Variants in ARHGAP24 observed in about 807,000 individuals in gnomAD.
ARHGAP24 encodes rho GTPase-activating protein 24.
A neutral mutation model predicts 76.4 loss-of-function variants in ARHGAP24; 50 were observed. The observed-to-expected ratio is 0.65, with a 90% CI of 0.52 to 0.83. ARHGAP24 has a LOEUF of 0.83. Ranked by LOEUF, ARHGAP24 falls within the 40% of genes least tolerant of loss-of-function variation. ARHGAP24 has a pLI of 0.00. For missense variants in ARHGAP24, 930 were observed against 914.2 expected (o/e 1.02, Z -0.22); for synonymous variants, 345 against 323.3 (o/e 1.07, Z -0.72).
intron 3 of ARHGAP24, among the ~76,000 whole-genome samples, chr4:85,877,836 G>C (rs767115225): frequency 5.3e-5 from 8 of 151,950 alleles, no homozygotes; most frequent in Admixed American, 1.3e-4. Flanking sequence ...AAATCTTTGG[G>C]TCCATAATTG....
intron 3 of ARHGAP24, among the ~76,000 whole-genome samples, chr4:85,761,784 G>A (rs560977314): frequency 1.1e-4 from 16 of 152,300 alleles, no homozygotes; most frequent in African/African-American, 3.8e-4. Flanking sequence ...AGCAGCTGAG[G>A]TGATGTCTTT....
At chr4:85,751,102 A>T (rs1726245526) in intron 3 of ARHGAP24, among the ~76,000 whole-genome samples, 2 of 152,202 alleles carry the variant, frequency 1.3e-5, no homozygotes, top group Admixed American at 1.3e-4. Context: ...CACATTATTT[A>T]TGTGTTTATT....
At chr4:85,571,029 T>C (rs1727120103) in intron 2 of ARHGAP24, 1 of 246,324 alleles carries the variant, frequency 4.1e-6, no homozygotes, top group Non-Finnish European at 7.9e-6. Flanking sequence ...CTAAAAGATA[T>C]ATCATAGCCA....
At chr4:85,633,345 C>T (rs951830715) in intron 2 of ARHGAP24, among the ~76,000 whole-genome samples, 1 of 151,816 alleles carries the variant, frequency 6.6e-6, no homozygotes. Context: ...TAGAAAGTTA[C>T]CCAGTACAAA....
At chr4:85,792,039 T>C (rs1472725812) in intron 3 of ARHGAP24, among the ~76,000 whole-genome samples, 2 of 152,104 alleles carry the variant, frequency 1.3e-5, no homozygotes, top group African/African-American at 4.8e-5. Context: ...TGAAGATGTA[T>C]AGTAGAGAGC....
chr4:85,534,175 A>G (rs922511221), intron 1 of ARHGAP24, among the ~76,000 whole-genome samples: 5 of 152,200 alleles, frequency 3.3e-5, no homozygotes, highest in Non-Finnish European at 7.3e-5. Context: ...TTCCTCTATT[A>G]TCAGCTATAA....
intron 9 of ARHGAP24, among the ~76,000 whole-genome samples, chr4:85,997,580 T>C (rs1740754165): frequency 1.3e-5 from 2 of 152,122 alleles, no homozygotes; most frequent in African/African-American, 4.8e-5. Flanking sequence ...CAGTGAGATA[T>C]ATGGTTTTTA....
intron 2 of ARHGAP24, among the ~76,000 whole-genome samples, chr4:85,681,633 T>C (rs1007999697): frequency 1.3e-5 from 2 of 152,222 alleles, no homozygotes; most frequent in African/African-American, 2.4e-5. Flanking sequence ...AGCATTTATA[T>C]GCATGCAACT....
rs190305989 is a variant in ARHGAP24 at position 85,600,471 on chromosome 4, C to T, written c.180+29750C>T. ...CTAGTTATGAAAGCCATTGTGTTCT[C>T]CACGTGAGAAGAGGGAGATGGGGCA... On this transcript the variant is annotated intron_variant, in intron 2 of 9. Coordinates refer to ENST00000395184, the MANE Select transcript of ARHGAP24 (RefSeq NM_001025616.3). 2.6e-3 allele frequency among the ~76,000 whole-genome samples: 396 copies of T among 152,216 alleles called. 3 individuals are homozygous for T. The highest frequency in any genetic ancestry group is 0.01 in the Middle Eastern group (3 of 294).
intron 2 of ARHGAP24, among the ~76,000 whole-genome samples, chr4:85,694,016 C>A (rs981755639): frequency 6.6e-6 from 1 of 152,182 alleles, no homozygotes; most frequent in Non-Finnish European, 1.5e-5. Context: ...TCCCCAGGAG[C>A]CTTTCAGGGC....
intron 2 of ARHGAP24, among the ~76,000 whole-genome samples, chr4:85,593,089 C>T (rs751450018): frequency 6.6e-5 from 10 of 152,064 alleles, no homozygotes; most frequent in Non-Finnish European, 1.2e-4. Flanking sequence ...ATGAGGGTTC[C>T]TTTTTCTCCA....
At chr4:85,529,311 C>A (rs1162633044) in intron 1 of ARHGAP24, among the ~76,000 whole-genome samples, 1 of 151,940 alleles carries the variant, frequency 6.6e-6, no homozygotes, top group Non-Finnish European at 1.5e-5. Context: ...AATAAAGCAC[C>A]TGTTCTTTAT....
At chr4:85,976,465 A>G (rs1167718099) in intron 7 of ARHGAP24, among the ~76,000 whole-genome samples, 3 of 152,174 alleles carry the variant, frequency 2.0e-5, no homozygotes, top group Admixed American at 6.5e-5. Context: ...TACCTACCTC[A>G]GAGAGATGCT....
At chr4:85,981,436 A>C (rs1243502863) in intron 8 of ARHGAP24, among the ~76,000 whole-genome samples, 1 of 152,156 alleles carries the variant, frequency 6.6e-6, no homozygotes, top group African/African-American at 2.4e-5. Context: ...AGTATCTTTG[A>C]TACTATAGAA....
At chr4:85,583,339 C>G (rs1023776807) in intron 2 of ARHGAP24, among the ~76,000 whole-genome samples, 1 of 152,010 alleles carries the variant, frequency 6.6e-6, no homozygotes, top group Admixed American at 6.6e-5. Context: ...CTTATGTGTT[C>G]AGTACTCTAT....
At chr4:85,647,785 C>A (rs1303050186) in intron 2 of ARHGAP24, among the ~76,000 whole-genome samples, 3 of 151,980 alleles carry the variant, frequency 2.0e-5, no homozygotes, top group Non-Finnish European at 4.4e-5. Flanking sequence ...ATTATAAGAC[C>A]AGTCTTTTAA....
Position 85,475,164 on chromosome 4 carries a change from G to C in ARHGAP24, c.-416G>C, listed in dbSNP as rs1233098405. On this transcript the variant is annotated 5_prime_UTR_variant, in exon 1 of 10. Transcript: ENST00000395184. ...ACACAATCACCCTTTCTAACTTCTG[G>C]GACTCTTTGCGCAACTGCTAGGATT... 1 of 152,390 alleles carries C rather than the reference G, an allele frequency of 6.6e-6. No homozygotes were observed. The highest frequency in any genetic ancestry group is 1.5e-5 in the Non-Finnish European group (1 of 68,226). The allele number at this position is 152,390 out of a possible 1,614,324, so 9.4% of individuals were successfully genotyped here. A position where few individuals can be genotyped will look rare whatever the true frequency, so the allele number is the denominator to read the frequency against.
At chr4:85,544,336 C>A (rs1197198709) in intron 1 of ARHGAP24, among the ~76,000 whole-genome samples, 2 of 152,122 alleles carry the variant, frequency 1.3e-5, no homozygotes, top group African/African-American at 4.8e-5. Flanking sequence ...AAGCTTTAAT[C>A]TATTAAATAT....
At chr4:85,484,682 T>C (rs990219936) in intron 1 of ARHGAP24, among the ~76,000 whole-genome samples, 2 of 152,146 alleles carry the variant, frequency 1.3e-5, no homozygotes, top group African/African-American at 4.8e-5. Context: ...AGTGGTGCCA[T>C]CTCGGCTCAC....
Sources: gnomAD v4.1 joint callset for allele counts (sites outside exome capture counted in the v4.1 genomes callset) on GRCh38, gnomAD v4.1.1 for gene constraint, MANE v1.5 for transcripts, NCBI Gene and HGNC (gene_info 2026-07-23, HGNC 2026-07-21) for gene names.